SPAG17: variants seen among roughly 807,000 people sequenced by gnomAD.
SPAG17 encodes the protein sperm-associated antigen 17.
Under a neutral mutation model 273.6 loss-of-function variants are expected in SPAG17, and 169 were observed. The ratio of observed to expected loss-of-function variants is 0.62; its 90% CI spans 0.55 to 0.70. The LOEUF is 0.70. Ranked by LOEUF, SPAG17 falls within the 30% of genes least tolerant of loss-of-function variation. The pLI is 0.00. For missense variants in SPAG17, 2,557 were observed against 2,627.8 expected, an observed-to-expected ratio of 0.97 and a Z score of 0.59; for synonymous variants, 825 against 873.2, an observed-to-expected ratio of 0.94 and a Z score of 0.97.
At chr1:118,012,456 T>C in intron 29 of SPAG17, 84 bp from the exon 30 acceptor site, 6 of 1,453,002 alleles carry the variant, frequency 4.1e-6, no homozygotes, top group Non-Finnish European at 4.6e-6. Context: ...AATACGAAGA[T>C]GGCACCATCA....
At chr1:118,036,296 G>A (rs979420221) in intron 24 of SPAG17, among the ~76,000 whole-genome samples, 11 of 152,106 alleles carry the variant, frequency 7.2e-5, no homozygotes, top group Admixed American at 1.3e-4. Flanking sequence ...TAAGGCTAAC[G>A]TCCTGAAGCA....
chr1:118,009,702 C>T (rs1463797254), intron 30 of SPAG17, among the ~76,000 whole-genome samples: 1 of 152,050 alleles, frequency 6.6e-6, no homozygotes, highest in Non-Finnish European at 1.5e-5. Context: ...CTATTACTAA[C>T]CATCAGCTAA....
chr1:118,148,518 TCCATTTTACAGAGTGCTGATTGGC>T lies in SPAG17; in HGVS notation c.315+2001_315+2024del, dbSNP rs1461919242. ...GTCCATTTTACAGACTGCTGATTGG[TCCATTTTACAGAGTGCTGATTGGC>T]CCATTTTTACAGAATGCTGATTGAT... is the stretch of plus-strand genomic sequence containing the variant. On this transcript the variant is annotated intron_variant, in intron 3 of 48. Coordinates refer to ENST00000336338, the MANE Select transcript of SPAG17 (RefSeq NM_206996.4). Among the ~76,000 whole-genome samples, 83 of 138,996 alleles carry T rather than the reference TCCATTTTACAGAGTGCTGATTGGC, an allele frequency of 6.0e-4. 2 individuals are homozygous for T. The East Asian group carries it at 0.024, about 40-fold the overall frequency. The allele number at this position is 138,996 out of a possible 152,430, so 91.2% of individuals were successfully genotyped here. A position where few individuals can be genotyped will look rare whatever the true frequency, so the allele number is the denominator to read the frequency against.
intron 48 of SPAG17, chr1:117,957,339 G>T: frequency 1.9e-6 from 2 of 1,058,288 alleles, no homozygotes; most frequent in Non-Finnish European, 2.6e-6. Context: ...CACTTTGGGA[G>T]GCTGAGGTGG....
chr1:118,055,518 G>A (rs964133668), intron 19 of SPAG17, among the ~76,000 whole-genome samples: 7 of 152,054 alleles, frequency 4.6e-5, no homozygotes, highest in Non-Finnish European at 8.8e-5. Flanking sequence ...GACAAGAAGT[G>A]GGGGGTCAAT....
At chr1:118,015,225 A>C (rs1016514535) in intron 29 of SPAG17, among the ~76,000 whole-genome samples, 1 of 150,900 alleles carries the variant, frequency 6.6e-6, no homozygotes, top group Non-Finnish European at 1.5e-5. Context: ...TGGAGGTTGC[A>C]GTGAGCTTGC....
At chr1:118,172,980 A>G (rs1660488443) in intron 1 of SPAG17, among the ~76,000 whole-genome samples, 1 of 152,102 alleles carries the variant, frequency 6.6e-6, no homozygotes, top group East Asian at 1.9e-4. Flanking sequence ...CAAAGCTTTT[A>G]CTCATCTCTC....
rs760688424 is a variant in SPAG17 at position 118,097,796 on chromosome 1, G to T, written c.885C>A (p.Phe295Leu). Residue 295 changes from phenylalanine (F) to leucine (L), a missense_variant, in exon 7 of 49, where the codon TTC becomes TTA. Physicochemically the swap from Phe to Leu is conservative, Grantham distance 22 (BLOSUM62 0). Transcript: ENST00000336338. ...TCAGGACTGGTTCCAAGTACTTCCAGAAAGTTTTAAGCTCTTTTATGGCAT... is the reference window on the plus strand; with the variant it reads ...TCAGGACTGGTTCCAAGTACTTCCATAAAGTTTTAAGCTCTTTTATGGCAT... ...KENAIKELKT[F>L]WKYLEPVLNN... 2.1e-5 allele frequency: 34 copies of T among 1,606,042 alleles called. No individual in the cohort carries two copies. The East Asian group carries it at 4.9e-4, about 23-fold the overall frequency.
At chr1:118,138,501 GA>G (rs1658485710) in intron 3 of SPAG17, among the ~76,000 whole-genome samples, 1 of 152,012 alleles carries the variant, frequency 6.6e-6, no homozygotes, top group Non-Finnish European at 1.5e-5. Flanking sequence ...ATTTATAGAA[GA>G]AAAATTATTT....
chr1:117,993,695 C>T (rs1557878729), intron 35 of SPAG17, among the ~76,000 whole-genome samples: 1 of 152,166 alleles, frequency 6.6e-6, no homozygotes, highest in Non-Finnish European at 1.5e-5. Context: ...AAAACATTAT[C>T]TCAATTAACA....
intron 45 of SPAG17, 30 bp from the exon 46 acceptor site, chr1:117,970,146 A>C (rs953556592): frequency 1.9e-6 from 3 of 1,597,744 alleles, no homozygotes; most frequent in Non-Finnish European, 1.7e-6. Flanking sequence ...AAATAAATTT[A>C]TGACATAATG....
At position 118,040,675 on chromosome 1, in the gene SPAG17, A is replaced by T. The variant is rs1571317181; in HGVS notation, c.3166+55T>A. On this transcript the variant is annotated intron_variant, in intron 22 of 48. Coordinates refer to ENST00000336338, the MANE Select transcript of SPAG17 (RefSeq NM_206996.4). ...ACTCAGGAGTAGAGGGCCCCTGGTTATCTGAAATGCATTATTATGTTTCCA... is the reference window on the plus strand; with the variant it reads ...ACTCAGGAGTAGAGGGCCCCTGGTTTTCTGAAATGCATTATTATGTTTCCA... 4.1e-6 allele frequency: 5 copies of T among 1,214,930 alleles called. No homozygotes were observed. In the East Asian group the frequency reaches 1.2e-4, roughly 28 times the overall value. 75.3% of individuals were successfully genotyped at this position (1,214,930 alleles called of 1,614,324 possible).
At chr1:118,007,993 A>C in intron 31 of SPAG17, 51 bp downstream of exon 31, 1 of 1,609,026 alleles carries the variant, frequency 6.2e-7, no homozygotes, top group Non-Finnish European at 8.5e-7. Flanking sequence ...GGGTTTTCTC[A>C]GCTGAATAGA....
rs185703326 is a variant in SPAG17 at position 118,122,072 on chromosome 1, G to T, written c.316-6631C>A. On this transcript the variant is annotated intron_variant, in intron 3 of 48. Transcript: ENST00000336338. ...GCTTAGGTAGCATGATATACATTCT[G>T]CTTTTATCTTACATCTTGTTATATT... Among the ~76,000 whole-genome samples the T allele has an allele frequency of 1.2e-4, 19 of 152,016 alleles. No individual in the cohort carries two copies. In the East Asian group the frequency reaches 3.7e-3, roughly 29 times the overall value.
At chr1:118,161,759 T>G (rs1659934613) in intron 1 of SPAG17, among the ~76,000 whole-genome samples, 2 of 152,114 alleles carry the variant, frequency 1.3e-5, no homozygotes, top group African/African-American at 4.8e-5. Context: ...ATGGTCTCGA[T>G]CTCCTGACCT....
Position 118,087,005 on chromosome 1 carries a change from C to T in SPAG17, c.1363G>A (p.Val455Ile). The change falls in exon 11 of 49, where the codon GTT becomes ATT. Residue 455 changes from valine (V) to isoleucine (I), a missense_variant. Coordinates refer to ENST00000336338, the MANE Select transcript of SPAG17 (RefSeq NM_206996.4). ...GGGACGAGATCTTCTTCAGTTGCAA[C>T]AACCTGTTGAAATCAACAATGAGAG... ...LILHCMLEQV[V>I]ATEEDLVPPS... 1 of 1,561,496 alleles carries T rather than the reference C, an allele frequency of 6.4e-7. No homozygotes were observed. Among genetic ancestry groups the T allele is most frequent in the Non-Finnish European group, 8.6e-7 (1 of 1,158,040 alleles).
At chr1:118,108,947 T>C (rs1213992454) in intron 4 of SPAG17, among the ~76,000 whole-genome samples, 1 of 152,140 alleles carries the variant, frequency 6.6e-6, no homozygotes, top group Non-Finnish European at 1.5e-5. Context: ...AAATAAAAAA[T>C]TCTCCTTCTC....
In SPAG17 at chr1:118,033,750, C is replaced by A. The variant is rs116332531; in HGVS notation, c.3434-1883G>T. ...ACTTTTCACCTTTCTGTGAAGATGCCATGTTTTGACACAATTGTGTGTTTA... is the reference window on the plus strand; with the variant it reads ...ACTTTTCACCTTTCTGTGAAGATGCAATGTTTTGACACAATTGTGTGTTTA... On this transcript the variant is annotated intron_variant, in intron 24 of 48. Transcript: ENST00000336338. Among the ~76,000 whole-genome samples, 643 of 152,264 alleles carry A rather than the reference C, an allele frequency of 4.2e-3. 5 individuals carry two copies. The highest frequency in any genetic ancestry group is 0.015 in the African/African-American group (611 of 41,530).
Position 118,105,709 on chromosome 1 carries a change from C to G in SPAG17, c.448-3783G>C, listed in dbSNP as rs141483231. Among the ~76,000 whole-genome samples the G allele has an allele frequency of 4.7e-3, 711 of 152,108 alleles. 7 individuals carry two copies. Among genetic ancestry groups the G allele is most frequent in the African/African-American group, 0.016 (684 of 41,504 alleles). The stretch of plus-strand genomic sequence containing the variant: ...AAATTTCCAAGGTTAGAGAACAGGA[C>G]ATCTCAAGACTTTGGAGGTGATGAG... On this transcript the variant is annotated intron_variant, in intron 4 of 48. Transcript: ENST00000336338.
Sources: allele counts gnomAD v4.1 joint callset (sites outside exome capture counted in the v4.1 genomes callset), GRCh38; gene constraint gnomAD v4.1.1; transcripts MANE v1.5; gene names NCBI Gene and HGNC (gene_info 2026-07-23, HGNC 2026-07-21).